Variants in ITGAV observed in about 807,000 individuals in gnomAD.
ITGAV encodes integrin alpha-V.
A neutral mutation model predicts 143.8 loss-of-function variants in ITGAV; 76 were observed. The ratio of observed to expected loss-of-function variants is 0.53; its 90% CI spans 0.44 to 0.64. The LOEUF is 0.64. Among genes scored for constraint, ITGAV ranks in the 30% least tolerant of loss-of-function variants. The pLI is 0.00. For missense variants in ITGAV, 1,193 were observed against 1,274.7 expected (o/e 0.94, Z 0.98); for synonymous variants, 453 against 446.7 (o/e 1.01, Z -0.18).
chr2:186,592,823 T>G (rs1269079815), intron 1 of ITGAV, among the ~76,000 whole-genome samples: 1 of 152,208 alleles, frequency 6.6e-6, no homozygotes, highest in Non-Finnish European at 1.5e-5. Context: ...TACAGAGCTC[T>G]AGGTATAGGT....
intron 6 of ITGAV, among the ~76,000 whole-genome samples, chr2:186,633,836 T>A (rs1483946191): frequency 6.6e-6 from 1 of 152,052 alleles, no homozygotes; most frequent in Non-Finnish European, 1.5e-5. Context: ...TTATTACTGA[T>A]ATTGAGAATG....
chr2:186,641,336 T>G (rs1429844970), intron 11 of ITGAV, 50 bp from the exon 12 acceptor site: 1 of 1,457,776 alleles, frequency 6.9e-7, no homozygotes, highest in Admixed American at 1.7e-5. Context: ...AAATGCCTAC[T>G]AAGACATGAA....
chr2:186,606,848 A>T (rs566931329), intron 2 of ITGAV, among the ~76,000 whole-genome samples: 12 of 152,200 alleles, frequency 7.9e-5, no homozygotes, highest in African/African-American at 2.6e-4. Context: ...GCGATTGTTG[A>T]CAGCAGCCTA....
chr2:186,642,532 TTTC>T (rs1373469992), intron 12 of ITGAV, among the ~76,000 whole-genome samples: 68 of 128,690 alleles, frequency 5.3e-4, no homozygotes, highest in African/African-American at 2.0e-3. Context: ...CTTTCTTTTT[TTTC>T]TTTTTTTTTT....
At chr2:186,627,647 AG>A (rs1357658677) in intron 4 of ITGAV, among the ~76,000 whole-genome samples, 2 of 152,170 alleles carry the variant, frequency 1.3e-5, no homozygotes, top group Non-Finnish European at 2.9e-5. Context: ...TTGTGAATAA[AG>A]TTTTATTGGA....
intron 13 of ITGAV, among the ~76,000 whole-genome samples, chr2:186,649,579 A>G (rs909435566): frequency 6.6e-6 from 1 of 152,134 alleles, no homozygotes; most frequent in African/African-American, 2.4e-5. Context: ...TATGATTATC[A>G]TTGCTACTTT....
rs71432460 is a variant in ITGAV at position 186,610,260 on chromosome 2, C to T, written c.316+8109C>T. ...CAATCCAGGATAGAAAAGTTACTCG[C>T]TGCTTTGATTTTTGAATAATATTTA... On this transcript the variant is annotated intron_variant, in intron 2 of 29. Coordinates refer to ENST00000261023, the MANE Select transcript of ITGAV (RefSeq NM_002210.5). Among the ~76,000 whole-genome samples the T allele has an allele frequency of 3.5e-3, 530 of 152,252 alleles. 2 individuals carry two copies. Among genetic ancestry groups the T allele is most frequent in the Non-Finnish European group, 4.7e-3 (317 of 68,010 alleles).
chr2:186,645,188 T>C (rs1329423659), intron 12 of ITGAV, among the ~76,000 whole-genome samples: 2 of 151,984 alleles, frequency 1.3e-5, no homozygotes, highest in Non-Finnish European at 2.9e-5. Flanking sequence ...AGTTTCGGGA[T>C]AGAGAGGGTG....
intron 3 of ITGAV, among the ~76,000 whole-genome samples, chr2:186,624,379 T>A (rs1397796115): frequency 6.6e-6 from 1 of 152,102 alleles, no homozygotes; most frequent in Non-Finnish European, 1.5e-5. Flanking sequence ...CTTTAAAGGA[T>A]GTGCCACATT....
chr2:186,665,537 A>C (rs1268194811), intron 21 of ITGAV, among the ~76,000 whole-genome samples: 1 of 152,176 alleles, frequency 6.6e-6, no homozygotes, highest in Admixed American at 6.5e-5. Flanking sequence ...ATGGATCCTG[A>C]AAAGCTACTC....
chr2:186,668,368 C>T (rs915131125), intron 24 of ITGAV, among the ~76,000 whole-genome samples: 7 of 149,732 alleles, frequency 4.7e-5, no homozygotes, highest in Non-Finnish European at 8.9e-5. Flanking sequence ...TGGGATTACA[C>T]GTGTGCACCA....
At chr2:186,590,544 C>A in intron 1 of ITGAV, 21 bp downstream of exon 1, 1 of 1,605,456 alleles carries the variant, frequency 6.2e-7, no homozygotes, top group Non-Finnish European at 8.5e-7. Flanking sequence ...GCACTTGGAA[C>A]TGGAGCCGGC....
At chr2:186,599,147 T>C (rs1434904812) in intron 1 of ITGAV, among the ~76,000 whole-genome samples, 8 of 152,256 alleles carry the variant, frequency 5.3e-5, no homozygotes, top group African/African-American at 1.9e-4. Context: ...GACTTAGTAT[T>C]TAATGAAACA....
intron 7 of ITGAV, 93 bp downstream of exon 7, chr2:186,636,300 G>T: frequency 1.0e-6 from 1 of 997,522 alleles, no homozygotes; most frequent in South Asian, 1.9e-5. Context: ...TATTTTATGT[G>T]AAATAGATTA....
At chr2:186,612,458 A>G (rs1434322052) in intron 2 of ITGAV, among the ~76,000 whole-genome samples, 1 of 151,676 alleles carries the variant, frequency 6.6e-6, no homozygotes, top group Admixed American at 6.6e-5. Flanking sequence ...TTTCTGTCAT[A>G]CAGAAGGGCA....
chr2:186,594,056 A>C (rs915459763), intron 1 of ITGAV, among the ~76,000 whole-genome samples: 3 of 152,060 alleles, frequency 2.0e-5, no homozygotes, highest in African/African-American at 7.2e-5. Context: ...TGTATGCCTT[A>C]GAAGCAGAAG....
In ITGAV at chr2:186,677,994, C is replaced by G. The variant is rs1268899567; in HGVS notation, c.*702C>G. On this transcript the variant is annotated 3_prime_UTR_variant, in exon 30 of 30. Coordinates refer to ENST00000261023, the MANE Select transcript of ITGAV (RefSeq NM_002210.5). ...TAAATTTTAGGTCAAATCCTTCAAG[C>G]CAACCTATACTAAAAATTAGTTCCA... 1 of 152,054 alleles carries G rather than the reference C, an allele frequency of 6.6e-6. No homozygotes were observed. Among genetic ancestry groups the G allele is most frequent in the Non-Finnish European group, 1.5e-5 (1 of 67,944 alleles). 9.4% of individuals were successfully genotyped at this position (152,054 alleles called of 1,614,324 possible). A position where few individuals can be genotyped will look rare whatever the true frequency, so the allele number is the denominator to read the frequency against.
chr2:186,677,258 C>T lies in ITGAV; in HGVS notation c.3113C>T (p.Pro1038Leu), dbSNP rs1376877601. ...GAACAAGAAAGGGAGCAGCTTCAAC[C>T]TCATGAAAATGGTGAAGGAAACTCA... ...QEEQEREQLQ[P>L]HENGEGNSET The change falls in exon 30 of 30, where the codon CCT (proline) becomes CTT (leucine). Residue 1038 changes from proline to leucine, a missense_variant. Physicochemically the swap from Pro to Leu is moderately conservative, Grantham distance 98. Transcript: ENST00000261023. 1 of 1,613,650 alleles carries T rather than the reference C, an allele frequency of 6.2e-7. No homozygotes were observed. The highest frequency in any genetic ancestry group is 1.7e-5 in the Admixed American group (1 of 59,966).
chr2:186,626,820 A>C (rs1327788482), intron 4 of ITGAV, among the ~76,000 whole-genome samples: 3 of 152,168 alleles, frequency 2.0e-5, no homozygotes, highest in African/African-American at 7.2e-5. Flanking sequence ...CTTTATCCTC[A>C]GTGCTTGGAT....
Sources: gnomAD v4.1 joint callset for allele counts (sites outside exome capture counted in the v4.1 genomes callset) on GRCh38, gnomAD v4.1.1 for gene constraint, MANE v1.5 for transcripts, NCBI Gene and HGNC (gene_info 2026-07-23, HGNC 2026-07-21) for gene names.